Variants in SPON1 observed in about 807,000 individuals in gnomAD.
The protein encoded by SPON1 is spondin-1.
A neutral mutation model predicts 111.7 loss-of-function variants in SPON1; 52 were observed. The ratio of observed to expected loss-of-function variants is 0.47; its 90% CI spans 0.37 to 0.59. The LOEUF is 0.59. SPON1 is among the 20% of genes least tolerant of loss of function. The pLI, the probability that SPON1 is intolerant of heterozygous loss-of-function variation, is 0.00. For missense variants in SPON1, 957 were observed against 1,068.5 expected (o/e 0.90, Z 1.46); for synonymous variants, 410 against 395.8 (o/e 1.04, Z -0.43).
At chr11:14,120,945 T>A (rs564093212) in intron 5 of SPON1, among the ~76,000 whole-genome samples, 10 of 152,312 alleles carry the variant, frequency 6.6e-5, no homozygotes, top group African/African-American at 2.2e-4. Context: ...AAAACAAGAA[T>A]GTGATGAAAT....
chr11:14,030,953 C>A (rs1848554550), intron 2 of SPON1, among the ~76,000 whole-genome samples: 1 of 152,222 alleles, frequency 6.6e-6, no homozygotes, highest in African/African-American at 2.4e-5. Flanking sequence ...ATGGCATCAA[C>A]TTAGGTGTTT....
intron 6 of SPON1, among the ~76,000 whole-genome samples, chr11:14,221,723 T>TC (rs1301676871): frequency 2.0e-5 from 3 of 151,654 alleles, no homozygotes; most frequent in Non-Finnish European, 4.4e-5. Context: ...GGTTCTCTGC[T>TC]CCCCCCATCT....
chr11:14,243,304 A>G, intron 6 of SPON1, 28 bp from the exon 7 acceptor site: 1 of 1,562,356 alleles, frequency 6.4e-7, no homozygotes, highest in South Asian at 1.2e-5. Flanking sequence ...AGCTCTGTTC[A>G]CTAAATATTT....
chr11:14,046,331 A>G (rs1347424340), intron 3 of SPON1, among the ~76,000 whole-genome samples: 3 of 152,196 alleles, frequency 2.0e-5, no homozygotes, highest in Non-Finnish European at 2.9e-5. Context: ...CACAGAGCCC[A>G]TTGATATAAT....
intron 6 of SPON1, among the ~76,000 whole-genome samples, chr11:14,235,282 T>C (rs1554939107): frequency 1.3e-5 from 2 of 152,136 alleles, no homozygotes; most frequent in African/African-American, 4.8e-5. Flanking sequence ...GTTAAGCGTG[T>C]TCCCAACACA....
chr11:13,976,961 A>G (rs575490700), intron 1 of SPON1, among the ~76,000 whole-genome samples: 9 of 152,288 alleles, frequency 5.9e-5, no homozygotes, highest in African/African-American at 1.9e-4. Flanking sequence ...TACCATTTGT[A>G]TTCTCTTGTG....
intron 6 of SPON1, among the ~76,000 whole-genome samples, chr11:14,160,176 A>T (rs945287564): frequency 2.0e-5 from 3 of 150,222 alleles, no homozygotes; most frequent in Non-Finnish European, 4.4e-5. Context: ...CACCCACAAA[A>T]TTTTTTTAAA....
At chr11:14,167,433 G>A (rs1331976034) in intron 6 of SPON1, among the ~76,000 whole-genome samples, 1 of 151,996 alleles carries the variant, frequency 6.6e-6, no homozygotes, top group Non-Finnish European at 1.5e-5. Flanking sequence ...AGCCAATAAA[G>A]ATAGCATGAG....
intron 15 of SPON1, among the ~76,000 whole-genome samples, chr11:14,265,154 T>A (rs1020221842): frequency 2.0e-5 from 3 of 152,120 alleles, no homozygotes; most frequent in African/African-American, 7.2e-5. Context: ...TGGCTGGGGC[T>A]TCTCTGCACA....
chr11:13,980,429 T>C (rs915692019), intron 1 of SPON1, among the ~76,000 whole-genome samples: 17 of 152,328 alleles, frequency 1.1e-4, no homozygotes, highest in African/African-American at 4.1e-4. Flanking sequence ...AGCATGTCAT[T>C]TACCTTCTTT....
At chr11:14,077,715 C>G (rs1848928983) in intron 4 of SPON1, among the ~76,000 whole-genome samples, 1 of 151,890 alleles carries the variant, frequency 6.6e-6, no homozygotes, top group African/African-American at 2.4e-5. Flanking sequence ...GAACTCCTGA[C>G]CTCAAGTGAT....
chr11:14,032,952 T>C (rs959234463), intron 2 of SPON1, among the ~76,000 whole-genome samples: 6 of 152,236 alleles, frequency 3.9e-5, no homozygotes, highest in African/African-American at 7.2e-5. Flanking sequence ...CTGTCCTCAA[T>C]TGGGGGTTAT....
At chr11:14,028,609 C>T (rs1017188173) in intron 2 of SPON1, among the ~76,000 whole-genome samples, 1 of 152,134 alleles carries the variant, frequency 6.6e-6, no homozygotes, top group African/African-American at 2.4e-5. Flanking sequence ...GCATCAATCA[C>T]CTACTAGGCT....
At position 14,230,571 on chromosome 11, in the gene SPON1, C is replaced by T. The variant is rs574396926; in HGVS notation, c.826-12761C>T. On this transcript the variant is annotated intron_variant, in intron 6 of 15. Transcript: ENST00000576479. ...TGCCATGGCGCTCTGTCCCCCTGCC[C>T]ACCTTCCCAGCCGCTGCCTTGGCTT... Among the ~76,000 whole-genome samples the T allele has an allele frequency of 3.9e-4, 59 of 152,336 alleles. No homozygotes were observed. In the South Asian group the frequency reaches 0.012, roughly 31 times the overall value.
intron 2 of SPON1, among the ~76,000 whole-genome samples, chr11:14,026,027 C>T (rs1430229328): frequency 6.6e-6 from 1 of 152,202 alleles, no homozygotes; most frequent in Non-Finnish European, 1.5e-5. Context: ...GAAAGAGCTT[C>T]CTCCTGTCAT....
chr11:14,008,392 G>A (rs1848379989), intron 2 of SPON1, among the ~76,000 whole-genome samples: 1 of 152,044 alleles, frequency 6.6e-6, no homozygotes, highest in South Asian at 2.1e-4. Flanking sequence ...GAGGGCCCTT[G>A]ACCTGCCTGG....
chr11:14,237,147 A>G (rs1194053730), intron 6 of SPON1, among the ~76,000 whole-genome samples: 1 of 152,156 alleles, frequency 6.6e-6, no homozygotes, highest in Non-Finnish European at 1.5e-5. Context: ...ATTTCTTGCT[A>G]CTCATCACCA....
At chr11:14,105,580 C>T in intron 5 of SPON1, among the ~76,000 whole-genome samples, 1 of 151,986 alleles carries the variant, frequency 6.6e-6, no homozygotes, top group Non-Finnish European at 1.5e-5. Context: ...ACTTCCCATC[C>T]CCACCCCACC....
rs1364397063 is a variant in SPON1, at chr11:14,041,529, C to T, written c.354C>T (p.Asp118=). The change falls in exon 3 of 16, where the codon GAC becomes GAT. Residue 118 remains aspartate, a synonymous_variant. Coordinates refer to ENST00000576479, the MANE Select transcript of SPON1 (RefSeq NM_006108.4). Reference sequence around the variant, plus strand: ...CCACTGGTTTTCCGTAGATCATAGACGAAGAAGAAACTCAGTTTATGAGCA... The same window carrying T: ...CCACTGGTTTTCCGTAGATCATAGATGAAGAAGAAACTCAGTTTATGAGCA... ...EDHAGTFQII[D]EEETQFMSNC... is the part of the protein sequence containing the mutation. The T allele has an allele frequency of 1.9e-6, 3 of 1,613,734 alleles. No individual in the cohort carries two copies. The highest frequency in any genetic ancestry group is 1.3e-5 in the African/African-American group (1 of 74,996).
Sources: gnomAD v4.1 joint callset for allele counts (sites outside exome capture counted in the v4.1 genomes callset) on GRCh38, gnomAD v4.1.1 for gene constraint, MANE v1.5 for transcripts, NCBI Gene and HGNC (gene_info 2026-07-23, HGNC 2026-07-21) for gene names.